The following NAALADL2 variants were observed in gnomAD, a reference collection of about 807,000 sequenced individuals.
The protein encoded by NAALADL2 is inactive N-acetylated-alpha-linked acidic dipeptidase-like protein 2.
In NAALADL2, 76 loss-of-function variants were observed where a neutral mutation model predicts 87.2. That is an observed-to-expected ratio of 0.87 (90% confidence interval 0.72 to 1.05). The LOEUF (loss-of-function observed/expected upper bound fraction) is 1.05, where lower values mean the gene tolerates loss of function less well. Ranked by LOEUF, NAALADL2 falls within the 50% of genes least tolerant of loss-of-function variation. NAALADL2 has a pLI of 0.00. For synonymous variants in NAALADL2, 354 were observed against 331.0 expected (o/e 1.07, Z -0.75); for missense variants, 1,089 against 945.8 (o/e 1.15, Z -1.99).
chr3:174,532,062 C>T (rs1361516793), intron 1 of NAALADL2, among the ~76,000 whole-genome samples: 1 of 152,138 alleles, frequency 6.6e-6, no homozygotes, highest in African/African-American at 2.4e-5. Context: ...ATTGCAAGTA[C>T]AGTTTTAGTA....
rs1202856545 is a variant in NAALADL2 at position 175,263,411 on chromosome 3, A to G, written c.939+6881A>G. Reference sequence around the variant, plus strand: ...AAAGTATTTTCCATGGCTTAAAACCAAATAAAAGTGTGTCTACGAATCTTC... The same window carrying G: ...AAAGTATTTTCCATGGCTTAAAACCGAATAAAAGTGTGTCTACGAATCTTC... On this transcript the variant is annotated intron_variant, in intron 4 of 13. Transcript: ENST00000454872. 2.6e-5 allele frequency among the ~76,000 whole-genome samples: 4 copies of G among 151,928 alleles called. 1 individual carries two copies. The South Asian group carries it at 6.2e-4, about 24-fold the overall frequency.
intron 11 of NAALADL2, among the ~76,000 whole-genome samples, chr3:175,647,025 A>C (rs1375951172): frequency 1.3e-5 from 2 of 152,016 alleles, no homozygotes. Flanking sequence ...ATATGAACAC[A>C]CTCTTTACCA....
chr3:174,816,565 CAT>C (rs1335262606), intron 3 of NAALADL2, among the ~76,000 whole-genome samples: 2 of 148,120 alleles, frequency 1.4e-5, no homozygotes, highest in South Asian at 4.2e-4. Context: ...TGTTATGTAA[CAT>C]ATATATAAAT....
chr3:174,490,907 A>C (rs1718150137), intron 1 of NAALADL2, among the ~76,000 whole-genome samples: 1 of 152,104 alleles, frequency 6.6e-6, no homozygotes, highest in Non-Finnish European at 1.5e-5. Context: ...ATTTTAATTA[A>C]AACTTATAAC....
intron 9 of NAALADL2, among the ~76,000 whole-genome samples, chr3:175,475,228 T>G (rs1380736742): frequency 6.6e-6 from 1 of 152,080 alleles, no homozygotes; most frequent in Non-Finnish European, 1.5e-5. Flanking sequence ...TTTTTGTAAT[T>G]TTATTTCCAT....
At chr3:175,554,803 T>A (rs2149498050) in intron 9 of NAALADL2, among the ~76,000 whole-genome samples, 1 of 152,194 alleles carries the variant, frequency 6.6e-6, no homozygotes, top group South Asian at 2.1e-4. Context: ...AAGTGAAAAA[T>A]AATAAACACA....
chr3:175,502,681 G>GTCTC (rs908087731), intron 9 of NAALADL2, among the ~76,000 whole-genome samples: 1 of 149,286 alleles, frequency 6.7e-6, no homozygotes, highest in Non-Finnish European at 1.5e-5. Flanking sequence ...TATAATAAAT[G>GTCTC]TCTCTCTCTC....
rs181076101 is a variant in NAALADL2, at chr3:174,807,514, T to C, written c.-9+69768T>C. On this transcript the variant is annotated intron_variant, in intron 3 of 3. Coordinates refer to the NAALADL2 transcript ENST00000434257. ...CTGTTTTGCTTTTTCCTTGTACACA[T>C]TTTTCTTTTGTAATTTGCTTATTTG... Among the ~76,000 whole-genome samples, 160 of 152,224 alleles carry C rather than the reference T, an allele frequency of 1.1e-3. 2 individuals are homozygous for C. Among genetic ancestry groups the C allele is most frequent in the Admixed American group, 4.6e-3 (70 of 15,266 alleles).
intron 1 of NAALADL2, among the ~76,000 whole-genome samples, chr3:175,058,734 T>C (rs1712775391): frequency 6.6e-6 from 1 of 152,124 alleles, no homozygotes; most frequent in South Asian, 2.1e-4. Context: ...ATAAGTGAGG[T>C]CTAAGGAAAG....
chr3:175,481,593 G>A (rs1726481335), intron 9 of NAALADL2, among the ~76,000 whole-genome samples: 4 of 151,778 alleles, frequency 2.6e-5, no homozygotes. Context: ...ACAGTCACAA[G>A]TCTAGGTATT....
intron 2 of NAALADL2, chr3:174,632,135 A>G (rs1343746621): frequency 6.6e-6 from 1 of 152,162 alleles, no homozygotes; most frequent in Non-Finnish European, 1.5e-5. Flanking sequence ...TAGAGGCTTG[A>G]CCTTGGGAGT....
chr3:175,326,058 T>TAAACAGTCA (rs1760669869), intron 5 of NAALADL2, among the ~76,000 whole-genome samples: 1 of 152,258 alleles, frequency 6.6e-6, no homozygotes, highest in South Asian at 2.1e-4. Context: ...CATTTTACTG[T>TAAACAGTCA]AAACAGTCAA....
At chr3:175,088,038 A>G (rs1719383641) in intron 1 of NAALADL2, among the ~76,000 whole-genome samples, 1 of 152,204 alleles carries the variant, frequency 6.6e-6, no homozygotes, top group Admixed American at 6.5e-5. Context: ...ACTACATAGG[A>G]AAATATAATA....
chr3:175,730,986 A>G (rs1242194651), intron 11 of NAALADL2, among the ~76,000 whole-genome samples: 6 of 152,232 alleles, frequency 3.9e-5, no homozygotes, highest in African/African-American at 1.4e-4. Context: ...GGCTGGTAGT[A>G]TTACAAGAAA....
intron 2 of NAALADL2, among the ~76,000 whole-genome samples, chr3:174,603,141 G>T (rs981024395): frequency 2.2e-4 from 33 of 152,012 alleles, no homozygotes; most frequent in African/African-American, 7.2e-4. Flanking sequence ...GAGTTTGGAA[G>T]AATTTTCTTT....
chr3:175,606,398 T>TTC (rs67721015), intron 10 of NAALADL2, among the ~76,000 whole-genome samples: 4 of 151,644 alleles, frequency 2.6e-5, no homozygotes, highest in African/African-American at 7.3e-5. Flanking sequence ...TTTTTTTTTT[T>TTC]GTATATGAAA....
chr3:175,181,861 G>A (rs1312153206), intron 2 of NAALADL2, among the ~76,000 whole-genome samples: 1 of 150,996 alleles, frequency 6.6e-6, no homozygotes, highest in Non-Finnish European at 1.5e-5. Flanking sequence ...ACATGAACAT[G>A]AAAATGATGA....
At chr3:175,369,631 G>C (rs1766195145) in intron 5 of NAALADL2, 1 of 152,464 alleles carries the variant, frequency 6.6e-6, no homozygotes, top group Admixed American at 6.5e-5. Context: ...GTGTGTGTGT[G>C]AGTGCATGTG....
intron 2 of NAALADL2, among the ~76,000 whole-genome samples, chr3:175,190,647 G>A (rs1738011071): frequency 6.6e-6 from 1 of 152,128 alleles, no homozygotes; most frequent in Admixed American, 6.5e-5. Context: ...GCAGTTACCA[G>A]GAGAAAATAA....
Sources: gnomAD v4.1 joint callset for allele counts (sites outside exome capture counted in the v4.1 genomes callset) on GRCh38, gnomAD v4.1.1 for gene constraint, MANE v1.5 for transcripts, NCBI Gene and HGNC (gene_info 2026-07-23, HGNC 2026-07-21) for gene names.